The following HERC3 variants were observed in gnomAD, a reference collection of about 807,000 sequenced individuals.
HERC3 encodes the protein probable E3 ubiquitin-protein ligase HERC3.
A neutral mutation model predicts 129.9 loss-of-function variants in HERC3; 58 were observed. That is an observed-to-expected ratio of 0.45 (90% CI 0.36 to 0.56). HERC3 has a LOEUF of 0.56. Among genes scored for constraint, HERC3 ranks in the 20% least tolerant of loss-of-function variants. The pLI is 0.00. For missense variants in HERC3, 835 were observed against 1,244.2 expected, an observed-to-expected ratio of 0.67 and a Z score of 4.95; for synonymous variants, 430 against 451.0, an observed-to-expected ratio of 0.95 and a Z score of 0.59.
chr4:88,563,933 C>A, the HERC3 span, among the ~76,000 whole-genome samples: 2 of 152,190 alleles, frequency 1.3e-5, no homozygotes, highest in Non-Finnish European at 2.9e-5. Flanking sequence ...GCTGGGATTA[C>A]AGGCGTGAGC....
chr4:88,697,047 T>A (rs988976280), intron 23 of HERC3: 1 of 644,098 alleles, frequency 1.6e-6, no homozygotes, highest in Non-Finnish European at 2.5e-6. Context: ...CTGGCCAGGA[T>A]CTAATTGCTT....
At chr4:88,667,026 A>G (rs1446882889) in intron 12 of HERC3, among the ~76,000 whole-genome samples, 1 of 152,206 alleles carries the variant, frequency 6.6e-6, no homozygotes, top group Non-Finnish European at 1.5e-5. Context: ...GAAAAAAACC[A>G]AAAAACACAA....
At chr4:88,572,805 C>CAA in the HERC3 span, among the ~76,000 whole-genome samples, 27 of 139,906 alleles carry the variant, frequency 1.9e-4, no homozygotes, top group African/African-American at 5.2e-4. Context: ...AAGACTGTCT[C>CAA]AAAAAAAAAA....
intron 23 of HERC3, chr4:88,692,852 CAG>C: frequency 9.2e-6 from 9 of 982,070 alleles, no homozygotes; most frequent in Admixed American, 1.2e-4. Context: ...TATGGCCTCT[CAG>C]GGGCTAAGGC....
At chr4:88,630,414 C>A (rs1726611521) in intron 3 of HERC3, among the ~76,000 whole-genome samples, 1 of 152,134 alleles carries the variant, frequency 6.6e-6, no homozygotes, top group Non-Finnish European at 1.5e-5. Context: ...TTATTACAGA[C>A]ATTTTATAGT....
At chr4:88,702,457 A>G (rs913871850) in intron 23 of HERC3, among the ~76,000 whole-genome samples, 23 of 152,356 alleles carry the variant, frequency 1.5e-4, no homozygotes, top group African/African-American at 4.6e-4. Context: ...TTAAAACACA[A>G]CTTACATAAA....
At chr4:88,656,410 C>T (rs945195751) in intron 9 of HERC3, 2 of 183,104 alleles carry the variant, frequency 1.1e-5, no homozygotes, top group African/African-American at 4.7e-5. Context: ...TGGCAGAAGG[C>T]AAAGAAGGAG....
the HERC3 span, among the ~76,000 whole-genome samples, chr4:88,570,928 T>C: frequency 6.8e-6 from 1 of 146,006 alleles, no homozygotes; most frequent in Non-Finnish European, 1.5e-5. Context: ...TAATTTTTTT[T>C]TGTATTTTTT....
chr4:88,540,086 G>A, the HERC3 span, among the ~76,000 whole-genome samples: 3 of 152,214 alleles, frequency 2.0e-5, no homozygotes, highest in African/African-American at 7.2e-5. Flanking sequence ...GACAGAGAAT[G>A]ACTTTGATGA....
the HERC3 span, among the ~76,000 whole-genome samples, chr4:88,572,681 C>T: frequency 6.6e-6 from 1 of 151,724 alleles, no homozygotes; most frequent in Non-Finnish European, 1.5e-5. Flanking sequence ...TGGTGGCATG[C>T]ACCTGTAGTC....
chr4:88,617,314 C>G (rs1725017116), intron 3 of HERC3, among the ~76,000 whole-genome samples: 3 of 150,828 alleles, frequency 2.0e-5, no homozygotes, highest in Admixed American at 2.0e-4. Flanking sequence ...ATCTCATTTT[C>G]TTCTTTTCAA....
chr4:88,667,626 T>G lies in HERC3; in HGVS notation c.1443+138T>G. 4.7e-6 allele frequency: 3 copies of G among 643,676 alleles called. No homozygotes were observed. The South Asian group carries it at 6.3e-5, about 13-fold the overall frequency. 39.9% of individuals were successfully genotyped at this position (643,676 alleles called of 1,614,324 possible). A position where few individuals can be genotyped will look rare whatever the true frequency, so the allele number is the denominator to read the frequency against. ...TTTGTAAAGTATTTACTCTGGGAAT[T>G]AGACCTACCTTTTGCTTTCTTTTGG... On this transcript the variant is annotated intron_variant, in intron 13 of 25. Transcript: ENST00000402738.
chr4:88,578,215 A>G, the HERC3 span, among the ~76,000 whole-genome samples: 4 of 152,244 alleles, frequency 2.6e-5, no homozygotes, highest in African/African-American at 9.6e-5. Flanking sequence ...TATCATAATT[A>G]TCATCACCAC....
At position 88,681,000 on chromosome 4, in the gene HERC3, A is replaced by G. The variant is rs1732714568; in HGVS notation, c.2341-159A>G. The G allele has an allele frequency of 3.1e-6, 3 of 981,840 alleles. No homozygotes were observed. The South Asian group carries it at 1.4e-4, about 46-fold the overall frequency. The allele number at this position is 981,840 out of a possible 1,614,324, so 60.8% of individuals were successfully genotyped here. On this transcript the variant is annotated intron_variant, in intron 20 of 25. Coordinates refer to ENST00000402738, the MANE Select transcript of HERC3 (RefSeq NM_014606.3). ...GTCTACATTGCATCTTTAAGGGATAACAACTTTTGTCAGGGTGTTTCTTTG... is the reference window on the plus strand; with the variant it reads ...GTCTACATTGCATCTTTAAGGGATAGCAACTTTTGTCAGGGTGTTTCTTTG...
intron 10 of HERC3, 49 bp from the exon 11 acceptor site, chr4:88,662,382 A>T: frequency 6.4e-7 from 1 of 1,551,908 alleles, no homozygotes; most frequent in Non-Finnish European, 8.8e-7. Flanking sequence ...AGGAGACAAG[A>T]TCCATGCTAC....
chr4:88,589,866 A>G (rs912582712), upstream of HERC3, among the ~76,000 whole-genome samples: 7 of 152,192 alleles, frequency 4.6e-5, no homozygotes, highest in Admixed American at 2.6e-4. Flanking sequence ...TATTTGGTAA[A>G]AGAAGCTTAC....
At chr4:88,654,211 T>A in intron 7 of HERC3, 78 bp downstream of exon 7, 1 of 933,772 alleles carries the variant, frequency 1.1e-6, no homozygotes, top group Non-Finnish European at 1.7e-6. Context: ...GTTAGTGTAG[T>A]GATGGTGTGT....
chr4:88,525,332 C>T, the HERC3 span, among the ~76,000 whole-genome samples: 1 of 152,162 alleles, frequency 6.6e-6, no homozygotes, highest in South Asian at 2.1e-4. Flanking sequence ...AGGGCAGTAG[C>T]AGGAATTAAT....
chr4:88,658,488 C>T lies in HERC3; in HGVS notation c.1143C>T (p.Tyr381=), dbSNP rs774097390. ...GDQTFVLCSK[Y]ENYSPAVDFR... Reference sequence around the variant, plus strand: ...AGACTTTTGTACTTTGCTCCAAATACGAGGTAAAATTTTTCTTGTGACTCT... The same window carrying T: ...AGACTTTTGTACTTTGCTCCAAATATGAGGTAAAATTTTTCTTGTGACTCT... Residue 381 remains tyrosine (Y), a synonymous_variant, in exon 10 of 26, where the codon TAC becomes TAT. Coordinates refer to ENST00000402738, the MANE Select transcript of HERC3 (RefSeq NM_014606.3). The T allele has an allele frequency of 7.0e-6, 11 of 1,570,518 alleles. No individual in the cohort carries two copies. Among genetic ancestry groups the T allele is most frequent in the South Asian group, 2.3e-5 (2 of 87,996 alleles).
Sources: gnomAD v4.1 joint callset for allele counts (sites outside exome capture counted in the v4.1 genomes callset) on GRCh38, gnomAD v4.1.1 for gene constraint, MANE v1.5 for transcripts, NCBI Gene and HGNC (gene_info 2026-07-23, HGNC 2026-07-21) for gene names.